The following MICU2 variants were observed in gnomAD, a reference collection of about 807,000 sequenced individuals.
MICU2 encodes the protein mitochondrial calcium uptake 2, also known as calcium uptake protein 2, mitochondrial.
Under a neutral mutation model 60.4 loss-of-function variants are expected in MICU2, and 64 were observed. The ratio of observed to expected loss-of-function variants is 1.06; its 90% CI spans 0.87 to 1.31. The LOEUF (loss-of-function observed/expected upper bound fraction) is 1.31, where lower values mean the gene tolerates loss of function less well. Ranked by LOEUF, MICU2 falls within the 50% of genes most tolerant of loss-of-function variation. MICU2 has a pLI of 0.00. For synonymous variants in MICU2, 201 were observed against 175.0 expected (o/e 1.15, Z -1.17); for missense variants, 569 against 531.0 (o/e 1.07, Z -0.70).
At chr13:21,572,294 C>A (rs1389526518) in intron 1 of MICU2, among the ~76,000 whole-genome samples, 1 of 152,136 alleles carries the variant, frequency 6.6e-6, no homozygotes, top group Non-Finnish European at 1.5e-5. Context: ...GTATCTGTGG[C>A]TGTTTTTCTG....
intron 1 of MICU2, 140 bp downstream of exon 1, chr13:21,603,799 G>A (rs752944498): frequency 1.4e-4 from 132 of 945,670 alleles, no homozygotes; most frequent in Non-Finnish European, 2.0e-4. Flanking sequence ...AGTCCCACCA[G>A]TCGCAGGGCG....
intron 1 of MICU2, chr13:21,602,690 T>C (rs1888852219): frequency 1.3e-5 from 2 of 152,228 alleles, no homozygotes; most frequent in African/African-American, 4.8e-5. Context: ...ATAATTATAA[T>C]GTATGTTAAT....
At chr13:21,584,783 T>A (rs1888423410) in intron 1 of MICU2, among the ~76,000 whole-genome samples, 1 of 152,240 alleles carries the variant, frequency 6.6e-6, no homozygotes, top group African/African-American at 2.4e-5. Flanking sequence ...TTTTAAACTA[T>A]AAATAAAACA....
At chr13:21,528,008 A>G (rs780562436) in intron 4 of MICU2, among the ~76,000 whole-genome samples, 2 of 152,246 alleles carry the variant, frequency 1.3e-5, no homozygotes, top group Non-Finnish European at 2.9e-5. Flanking sequence ...AGATTGGATT[A>G]TCCCACCTAT....
intron 4 of MICU2, among the ~76,000 whole-genome samples, chr13:21,530,359 T>C (rs1886960257): frequency 6.6e-6 from 1 of 152,156 alleles, no homozygotes; most frequent in Non-Finnish European, 1.5e-5. Context: ...ATTTCTCGTA[T>C]GAATATCCTC....
At chr13:21,520,939 A>T (rs1354057137) in intron 6 of MICU2, among the ~76,000 whole-genome samples, 1 of 152,078 alleles carries the variant, frequency 6.6e-6, no homozygotes, top group Non-Finnish European at 1.5e-5. Context: ...ATCAACACAT[A>T]TTCTTTAAAA....
At chr13:21,553,512 C>T (rs1887626083) in intron 2 of MICU2, among the ~76,000 whole-genome samples, 1 of 152,044 alleles carries the variant, frequency 6.6e-6, no homozygotes, top group African/African-American at 2.4e-5. Context: ...CAGGCCTGCC[C>T]TAAAAGAGCT....
chr13:21,598,281 T>G (rs1302073586), intron 1 of MICU2, among the ~76,000 whole-genome samples: 1 of 152,108 alleles, frequency 6.6e-6, no homozygotes, highest in African/African-American at 2.4e-5. Flanking sequence ...AAATGAAATA[T>G]TCATGCAATT....
chr13:21,537,766 C>G (rs1440275828), intron 4 of MICU2, among the ~76,000 whole-genome samples: 1 of 152,136 alleles, frequency 6.6e-6, no homozygotes, highest in African/African-American at 2.4e-5. Flanking sequence ...AGGCGTGAGC[C>G]ACCGCACCTC....
intron 1 of MICU2, among the ~76,000 whole-genome samples, chr13:21,579,745 C>A (rs1431915043): frequency 6.6e-6 from 1 of 151,940 alleles, no homozygotes; most frequent in Admixed American, 6.6e-5. Context: ...CTTATTCTTT[C>A]TGAAATATTT....
intron 2 of MICU2, among the ~76,000 whole-genome samples, chr13:21,547,895 C>T (rs567199957): frequency 1.3e-5 from 2 of 152,028 alleles, no homozygotes; most frequent in Admixed American, 6.5e-5. Context: ...TTATGGGTCT[C>T]GTGGTCAGGT....
intron 1 of MICU2, among the ~76,000 whole-genome samples, chr13:21,576,153 TTTC>T (rs1336965286): frequency 6.6e-6 from 1 of 152,232 alleles, no homozygotes; most frequent in Admixed American, 6.5e-5. Flanking sequence ...GACATTTTGA[TTTC>T]TTACTTTTCA....
intron 6 of MICU2, 49 bp downstream of exon 6, chr13:21,521,192 CACAA>C: frequency 7.5e-7 from 1 of 1,327,370 alleles, no homozygotes; most frequent in South Asian, 1.3e-5. Context: ...AAAATTATCA[CACAA>C]ACATCCAGGT....
At chr13:21,563,950 G>A (rs769621003) in intron 2 of MICU2, among the ~76,000 whole-genome samples, 8 of 151,948 alleles carry the variant, frequency 5.3e-5, no homozygotes, top group Non-Finnish European at 1.2e-4. Context: ...CTACAGGTGT[G>A]TGCCACCACA....
intron 2 of MICU2, among the ~76,000 whole-genome samples, chr13:21,562,969 T>C (rs1370049018): frequency 6.6e-6 from 1 of 152,256 alleles, no homozygotes; most frequent in Non-Finnish European, 1.5e-5. Flanking sequence ...TGAGAATGTA[T>C]TTCTTTTTCA....
chr13:21,552,947 T>G (rs546969098), intron 2 of MICU2, among the ~76,000 whole-genome samples: 1 of 152,214 alleles, frequency 6.6e-6, no homozygotes, highest in Non-Finnish European at 1.5e-5. Context: ...TTTAAAGTAG[T>G]TTTTTCCAAT....
At chr13:21,603,655 T>C in intron 1 of MICU2, 1 of 517,046 alleles carries the variant, frequency 1.9e-6, no homozygotes, top group Non-Finnish European at 3.4e-6. Flanking sequence ...TCATCACCAC[T>C]AAATTAGTGC....
At chr13:21,515,238 T>C (rs113933361) in intron 6 of MICU2, among the ~76,000 whole-genome samples, 12 of 151,994 alleles carry the variant, frequency 7.9e-5, no homozygotes, top group South Asian at 4.2e-4. Context: ...CCCGCCACCA[T>C]GCCTGGCTAA....
At chr13:21,560,058 C>A (rs1887804882) in intron 2 of MICU2, among the ~76,000 whole-genome samples, 1 of 152,122 alleles carries the variant, frequency 6.6e-6, no homozygotes, top group African/African-American at 2.4e-5. Context: ...AAAAAATTGT[C>A]TTTTTCTTAT....
Sources: allele counts gnomAD v4.1 joint callset (sites outside exome capture counted in the v4.1 genomes callset), GRCh38; gene constraint gnomAD v4.1.1; transcripts MANE v1.5; gene names NCBI Gene and HGNC (gene_info 2026-07-23, HGNC 2026-07-21).